Variants in ZZEF1 observed in about 807,000 individuals in gnomAD.
ZZEF1 encodes the protein zinc finger ZZ-type and EF-hand domain-containing protein 1.
ZZEF1 carries 157 observed loss-of-function variants against 342.8 expected under a neutral mutation model. The ratio of observed to expected loss-of-function variants is 0.46; its 90% confidence interval spans 0.40 to 0.52. ZZEF1 has a LOEUF of 0.52. Ranked by LOEUF, ZZEF1 falls within the 20% of genes least tolerant of loss-of-function variation. The pLI is 0.00. For synonymous variants in ZZEF1, 1,505 were observed against 1,429.1 expected (o/e 1.05, Z -1.20); for missense variants, 3,480 against 3,725.6 (o/e 0.93, Z 1.72).
chr17:4,106,012 C>A (rs866882475), intron 6 of ZZEF1, among the ~76,000 whole-genome samples: 1 of 152,208 alleles, frequency 6.6e-6, no homozygotes, highest in African/African-American at 2.4e-5. Context: ...TGCAGTGGTG[C>A]GATCTCGGCT....
intron 37 of ZZEF1, among the ~76,000 whole-genome samples, chr17:4,044,980 C>A (rs1247392629): frequency 2.0e-5 from 3 of 151,928 alleles, no homozygotes; most frequent in Non-Finnish European, 2.9e-5. Flanking sequence ...ATGGCGAAAC[C>A]CCATCTCTAC....
intron 46 of ZZEF1, among the ~76,000 whole-genome samples, chr17:4,018,945 G>A (rs547054444): frequency 9.8e-5 from 14 of 143,306 alleles, no homozygotes; most frequent in Admixed American, 2.7e-4. Flanking sequence ...CCTCTGTGGA[G>A]CAGAGCTGTC....
chr17:4,071,744 C>G (rs1229255164), intron 25 of ZZEF1, among the ~76,000 whole-genome samples: 1 of 152,162 alleles, frequency 6.6e-6, no homozygotes, highest in East Asian at 1.9e-4. Context: ...TGGTTTTACA[C>G]TTCTGAGTTA....
intron 37 of ZZEF1, among the ~76,000 whole-genome samples, chr17:4,049,125 T>C (rs1226944883): frequency 6.6e-6 from 1 of 152,194 alleles, no homozygotes; most frequent in Non-Finnish European, 1.5e-5. Flanking sequence ...TTCTAAGCAC[T>C]TGACATACAG....
chr17:4,025,595 TCAC>T (rs2056384430), intron 42 of ZZEF1, among the ~76,000 whole-genome samples: 1 of 151,116 alleles, frequency 6.6e-6, no homozygotes, highest in South Asian at 2.1e-4. Context: ...GGCAGGAGAA[TCAC>T]TTGAACCCAG....
intron 23 of ZZEF1, among the ~76,000 whole-genome samples, 181 bp downstream of exon 23, chr17:4,074,916 T>C (rs552026737): frequency 4.6e-5 from 7 of 152,234 alleles, no homozygotes; most frequent in Non-Finnish European, 1.0e-4. Flanking sequence ...TCCAAAAAAA[T>C]TTGTTTACAA....
At chr17:4,028,056 C>T (rs2056456822) in intron 42 of ZZEF1, among the ~76,000 whole-genome samples, 1 of 152,086 alleles carries the variant, frequency 6.6e-6, no homozygotes, top group Non-Finnish European at 1.5e-5. Context: ...AGTGTACCTT[C>T]AAATAATTTC....
chr17:4,093,799 T>C (rs2057987635), intron 11 of ZZEF1, among the ~76,000 whole-genome samples: 1 of 151,806 alleles, frequency 6.6e-6, no homozygotes, highest in South Asian at 2.1e-4. Flanking sequence ...CCTTGAGTAT[T>C]TTTTTTTCTT....
At chr17:4,105,271 C>A (rs758842307) in intron 7 of ZZEF1, among the ~76,000 whole-genome samples, 33 of 152,190 alleles carry the variant, frequency 2.2e-4, no homozygotes, top group Non-Finnish European at 3.8e-4. Flanking sequence ...TCAGGGCTCA[C>A]TGAGGCAGAA....
intron 6 of ZZEF1, 92 bp from the exon 7 acceptor site, chr17:4,105,901 C>T: frequency 1.0e-6 from 1 of 971,408 alleles, no homozygotes; most frequent in Non-Finnish European, 1.5e-6. Context: ...TGACTAATCC[C>T]TTATAAACAG....
chr17:4,010,213 A>G (rs1438399380), intron 52 of ZZEF1, among the ~76,000 whole-genome samples: 2 of 151,844 alleles, frequency 1.3e-5, no homozygotes, highest in Non-Finnish European at 2.9e-5. Context: ...AACAAAAAAA[A>G]AACCTAGCTG....
rs773474948 is a variant in ZZEF1, at chr17:4,112,705, T to A, written c.970A>T (p.Asn324Tyr). The change falls in exon 5 of 55, where the codon AAT becomes TAT. Residue 324 changes from asparagine to tyrosine, a missense_variant. Asn to Tyr is a moderately radical substitution (Grantham distance 143, BLOSUM62 -2). Around this residue, in one of 5 missense-constraint regions of ZZEF1, gnomAD observed 92 missense variants for 130.3 expected, o/e 0.71. Transcript: ENST00000381638. The part of the protein sequence containing the change: ...PQQVTVAVGR[N>Y]ASDLQEVRDV... ...CGGACTTCCTGAAGATCGCTGGCATTCCTCCCTACAGCTACTGTCACCTGC... is the reference window on the plus strand; with the variant it reads ...CGGACTTCCTGAAGATCGCTGGCATACCTCCCTACAGCTACTGTCACCTGC... 1.2e-5 allele frequency: 19 copies of A among 1,614,058 alleles called. No homozygotes were observed. The highest frequency in any genetic ancestry group is 1.6e-5 in the Non-Finnish European group (19 of 1,180,012).
chr17:4,137,091 T>G (rs1332923368), intron 1 of ZZEF1, among the ~76,000 whole-genome samples: 2 of 151,586 alleles, frequency 1.3e-5, no homozygotes, highest in Non-Finnish European at 1.5e-5. Flanking sequence ...GGTATAAGAG[T>G]GTAAAGGCTG....
intron 30 of ZZEF1, among the ~76,000 whole-genome samples, chr17:4,059,580 G>A (rs904015081): frequency 1.3e-5 from 2 of 152,098 alleles, no homozygotes; most frequent in Admixed American, 1.3e-4. Flanking sequence ...CAGATACTGT[G>A]TTAAGTATTT....
chr17:4,061,351 A>G (rs1182698809), intron 30 of ZZEF1, among the ~76,000 whole-genome samples: 1 of 151,208 alleles, frequency 6.6e-6, no homozygotes, highest in Non-Finnish European at 1.5e-5. Flanking sequence ...CTTAGCTGAC[A>G]CTCCTTTCTC....
intron 1 of ZZEF1, among the ~76,000 whole-genome samples, chr17:4,135,789 C>T (rs1226287591): frequency 1.3e-5 from 2 of 152,120 alleles, no homozygotes; most frequent in Non-Finnish European, 2.9e-5. Context: ...TTGCTATGGT[C>T]TCAGTCTCAT....
At chr17:4,119,288 A>T (rs2058446545) in intron 2 of ZZEF1, among the ~76,000 whole-genome samples, 1 of 152,036 alleles carries the variant, frequency 6.6e-6, no homozygotes, top group East Asian at 1.9e-4. Context: ...CAAATATGAG[A>T]GTTGAATGGG....
At chr17:4,141,057 C>T (rs913763577) in intron 1 of ZZEF1, among the ~76,000 whole-genome samples, 3 of 151,856 alleles carry the variant, frequency 2.0e-5, no homozygotes, top group Admixed American at 6.6e-5. Context: ...TACAGGCACC[C>T]GCCACCATGC....
intron 28 of ZZEF1, 143 bp downstream of exon 28, chr17:4,066,304 G>T: frequency 7.1e-6 from 5 of 707,018 alleles, no homozygotes; most frequent in Non-Finnish European, 1.2e-5. Context: ...TACATCCTTG[G>T]ATACTATATT....
Sources: gnomAD v4.1 joint callset for allele counts (sites outside exome capture counted in the v4.1 genomes callset) on GRCh38, gnomAD v4.1.1 for gene constraint, gnomAD v4.1.1 regional missense constraint, MANE v1.5 for transcripts, NCBI Gene and HGNC (gene_info 2026-07-23, HGNC 2026-07-21) for gene names.